Variants in PCDHA1 observed in about 807,000 individuals in gnomAD.
PCDHA1 encodes protocadherin alpha 1.
A neutral mutation model predicts 61.3 loss-of-function variants in PCDHA1; 42 were observed. That is an observed-to-expected ratio of 0.69 (90% CI 0.54 to 0.89). The LOEUF (loss-of-function observed/expected upper bound fraction) is 0.89, where lower values mean the gene tolerates loss of function less well. Ranked by LOEUF, PCDHA1 falls within the 40% of genes least tolerant of loss-of-function variation. The probability of loss-of-function intolerance (pLI) is 0.00; values close to 1 mark genes in which losing one functional copy is unlikely to be tolerated. For synonymous variants in PCDHA1, 610 were observed against 553.8 expected (o/e 1.10, Z -1.43); for missense variants, 1,256 against 1,235.3 (o/e 1.02, Z -0.25).
At chr5:140,864,861 G>C (rs2048633310) in intron 1 of PCDHA1, 1 of 152,100 alleles carries the variant, frequency 6.6e-6, no homozygotes, top group African/African-American at 2.4e-5. Flanking sequence ...ATGATGAAGG[G>C]TGATACCATT....
At chr5:141,000,419 ATATTTTTT>A (rs1194100555) in intron 3 of PCDHA1, among the ~76,000 whole-genome samples, 4 of 60,996 alleles carry the variant, frequency 6.6e-5, no homozygotes, top group African/African-American at 2.3e-4. Flanking sequence ...ATATATATAT[ATATTTTTT>A]TTTTTTTTTT....
At chr5:140,984,139 C>T (rs2097088415) in intron 3 of PCDHA1, among the ~76,000 whole-genome samples, 1 of 152,178 alleles carries the variant, frequency 6.6e-6, no homozygotes. Flanking sequence ...GATGTGGAGG[C>T]ATCTGGGAAG....
At chr5:140,837,464 C>T (rs1295340702) in intron 1 of PCDHA1, among the ~76,000 whole-genome samples, 1 of 151,746 alleles carries the variant, frequency 6.6e-6, no homozygotes, top group African/African-American at 2.4e-5. Flanking sequence ...CTCCTTGCCT[C>T]CTCAAACCCC....
intron 1 of PCDHA1, among the ~76,000 whole-genome samples, chr5:140,917,939 G>A (rs1408047210): frequency 6.6e-6 from 1 of 151,830 alleles, no homozygotes; most frequent in African/African-American, 2.4e-5. Context: ...AAATAATATT[G>A]GTAGTTTGAT....
intron 3 of PCDHA1, among the ~76,000 whole-genome samples, chr5:141,006,751 G>A (rs1369409000): frequency 2.0e-5 from 3 of 152,166 alleles, no homozygotes; most frequent in Non-Finnish European, 4.4e-5. Flanking sequence ...ATTATAAATG[G>A]AGAATGAAGA....
chr5:140,796,689 C>T (rs782143025), intron 1 of PCDHA1: 15 of 1,613,810 alleles, frequency 9.3e-6, no homozygotes, highest in Non-Finnish European at 1.3e-5. Flanking sequence ...CCGCTGCTGG[C>T]GCAGTGAGTG....
intron 1 of PCDHA1, among the ~76,000 whole-genome samples, chr5:140,943,311 T>C (rs1281237979): frequency 1.3e-5 from 2 of 150,340 alleles, no homozygotes. Flanking sequence ...AAGTCATTAT[T>C]AGCAATATTG....
At chr5:140,807,369 C>T (rs782357546) in intron 1 of PCDHA1, 4 of 1,608,330 alleles carry the variant, frequency 2.5e-6, no homozygotes, top group South Asian at 2.2e-5. Flanking sequence ...GAGCTGGTGC[C>T]GCGCCTGTTC....
At chr5:140,976,491 C>T (rs1478947639) in intron 1 of PCDHA1, among the ~76,000 whole-genome samples, 2 of 152,172 alleles carry the variant, frequency 1.3e-5, no homozygotes, top group East Asian at 1.9e-4. Context: ...GCAGAGGTTG[C>T]AGGGAGCCAA....
chr5:140,803,118 G>A, intron 1 of PCDHA1: 2 of 1,613,812 alleles, frequency 1.2e-6, no homozygotes, highest in Non-Finnish European at 1.7e-6. Flanking sequence ...GGACGAGGTG[G>A]ACGCCCCGCG....
At chr5:140,987,239 G>T (rs1005484275) in intron 3 of PCDHA1, among the ~76,000 whole-genome samples, 6 of 151,586 alleles carry the variant, frequency 4.0e-5, no homozygotes, top group East Asian at 1.9e-4. Flanking sequence ...AATAAATAAA[G>T]AAAGAAAGAC....
At chr5:141,007,395 C>CAAAAAAAAAAA (rs35800918) in intron 3 of PCDHA1, among the ~76,000 whole-genome samples, 6 of 94,856 alleles carry the variant, frequency 6.3e-5, no homozygotes, top group South Asian at 3.5e-4. Flanking sequence ...TACTAAAATA[C>CAAAAAAAAAAA]AAAAAAAAAA....
intron 1 of PCDHA1, among the ~76,000 whole-genome samples, chr5:140,794,072 C>T (rs782733160): frequency 2.6e-5 from 4 of 152,214 alleles, no homozygotes; most frequent in Non-Finnish European, 5.9e-5. Flanking sequence ...CACCCATGTT[C>T]ATGGCAGCAC....
At chr5:140,800,672 A>G (rs1351026525) in intron 1 of PCDHA1, among the ~76,000 whole-genome samples, 1 of 152,202 alleles carries the variant, frequency 6.6e-6, no homozygotes, top group Non-Finnish European at 1.5e-5. Context: ...ATAAAAAGCG[A>G]ATAATATTAA....
chr5:140,843,381 T>G lies in PCDHA1; in HGVS notation c.2394+54697T>G, dbSNP rs2150358739. The G allele has an allele frequency of 6.3e-6, 10 of 1,595,976 alleles. 2 individuals carry two copies. The African/African-American group carries it at 1.2e-4, about 19-fold the overall frequency. On this transcript the variant is annotated intron_variant, in intron 1 of 3. Coordinates refer to ENST00000504120, the MANE Select transcript of PCDHA1 (RefSeq NM_018900.4). ...TCATCGAGGCAGTCGGCTGGCGTTT[T>G]GGGTCCGGAAGCGGCGCTGGTGGAT...
intron 1 of PCDHA1, chr5:140,834,199 G>A (rs1359433825): frequency 6.7e-6 from 4 of 595,280 alleles, no homozygotes; most frequent in African/African-American, 3.7e-5. Flanking sequence ...GCTCTTTACC[G>A]CAAATTCTTT....
At chr5:140,834,243 A>G (rs1260140058) in intron 1 of PCDHA1, 2 of 837,910 alleles carry the variant, frequency 2.4e-6, no homozygotes, top group African/African-American at 3.4e-5. Flanking sequence ...TCCTTTTCGC[A>G]CTGGAAAGAC....
At chr5:140,978,566 T>G (rs1554239422) in intron 1 of PCDHA1, among the ~76,000 whole-genome samples, 1 of 152,204 alleles carries the variant, frequency 6.6e-6, no homozygotes, top group East Asian at 1.9e-4. Flanking sequence ...ATAGCTGTAA[T>G]ACTGAATTGG....
intron 1 of PCDHA1, among the ~76,000 whole-genome samples, chr5:140,873,282 T>C (rs961755772): frequency 2.6e-4 from 39 of 152,330 alleles, no homozygotes; most frequent in African/African-American, 8.7e-4. Context: ...TCATACCACT[T>C]ATGAAACTTT....
Sources: gnomAD v4.1 joint callset for allele counts (sites outside exome capture counted in the v4.1 genomes callset) on GRCh38, gnomAD v4.1.1 for gene constraint, MANE v1.5 for transcripts, NCBI Gene and HGNC (gene_info 2026-07-23, HGNC 2026-07-21) for gene names.